POLR3C: variants seen among roughly 807,000 people sequenced by gnomAD.
POLR3C encodes the protein DNA-directed RNA polymerase III subunit RPC3.
Under a neutral mutation model 65.9 loss-of-function variants are expected in POLR3C, and 44 were observed. The ratio of observed to expected loss-of-function variants is 0.67; its 90% CI spans 0.52 to 0.86. POLR3C has a LOEUF of 0.86. POLR3C is among the 40% of genes least tolerant of loss of function. The pLI is 0.00. For missense variants in POLR3C, 576 were observed against 653.2 expected, an observed-to-expected ratio of 0.88 and a Z score of 1.29; for synonymous variants, 263 against 231.6, an observed-to-expected ratio of 1.14 and a Z score of -1.23.
intron 7 of POLR3C, 45 bp from the exon 8 acceptor site, chr1:145,836,449 A>T (rs1553728658): frequency 4.9e-6 from 5 of 1,022,828 alleles, no homozygotes; most frequent in Admixed American, 3.4e-5. Flanking sequence ...TAAGGTCAGG[A>T]GTTCTAAGTT....
chr1:145,837,464 C>T (rs1651941205), intron 9 of POLR3C, 72 bp from the exon 10 acceptor site: 3 of 719,582 alleles, frequency 4.2e-6, no homozygotes, highest in Non-Finnish European at 4.7e-6. Flanking sequence ...AAATTAGAAA[C>T]TTAGGAATAA....
intron 5 of POLR3C, among the ~76,000 whole-genome samples, chr1:145,832,019 G>T (rs1026850587): frequency 2.6e-5 from 4 of 151,960 alleles, no homozygotes; most frequent in African/African-American, 9.7e-5. Context: ...TCCAGCCTGG[G>T]TGACAAAGAC....
intron 4 of POLR3C, among the ~76,000 whole-genome samples, chr1:145,827,388 A>G (rs782550256): frequency 9.2e-5 from 14 of 152,212 alleles, no homozygotes; most frequent in Non-Finnish European, 1.9e-4. Context: ...AGACTGAGGC[A>G]GGCGAATTGC....
chr1:145,825,048 A>T (rs1406155874), intron 1 of POLR3C, among the ~76,000 whole-genome samples: 6 of 151,954 alleles, frequency 3.9e-5, no homozygotes, highest in African/African-American at 1.2e-4. Context: ...TTTTACAATA[A>T]TTGAATTTTT....
At chr1:145,833,969 CTT>C (rs1442304468) in intron 7 of POLR3C, among the ~76,000 whole-genome samples, 1 of 152,192 alleles carries the variant, frequency 6.6e-6, no homozygotes, top group Non-Finnish European at 1.5e-5. Flanking sequence ...TCATGCATCA[CTT>C]AACAGCAGGG....
chr1:145,829,567 T>C (rs1177624595), intron 5 of POLR3C, among the ~76,000 whole-genome samples: 3 of 152,206 alleles, frequency 2.0e-5, no homozygotes, highest in Non-Finnish European at 2.9e-5. Context: ...CTGATTAGAC[T>C]CCTTTAATAG....
chr1:145,840,857 G>C (rs1652235484), intron 13 of POLR3C, 65 bp from the exon 14 acceptor site: 1 of 1,297,156 alleles, frequency 7.7e-7, no homozygotes, highest in Non-Finnish European at 1.1e-6. Flanking sequence ...TAGTGCCTCA[G>C]ACACACGTGG....
chr1:145,836,039 G>C (rs764715680), intron 7 of POLR3C, among the ~76,000 whole-genome samples: 3 of 151,886 alleles, frequency 2.0e-5, no homozygotes, highest in Non-Finnish European at 4.4e-5. Flanking sequence ...CTGGTCATTT[G>C]GGTGTTTCTA....
intron 4 of POLR3C, among the ~76,000 whole-genome samples, chr1:145,828,116 A>G (rs1162839044): frequency 3.9e-5 from 6 of 152,192 alleles, no homozygotes; most frequent in Non-Finnish European, 5.9e-5. Flanking sequence ...TGAGGAAATG[A>G]AAGAATGTCA....
Position 145,826,856 on chromosome 1 carries a change from C to T in POLR3C, c.440C>T (p.Thr147Ile). 1 of 1,612,064 alleles carries T rather than the reference C, an allele frequency of 6.2e-7. No homozygotes were observed. Among genetic ancestry groups the T allele is most frequent in the Non-Finnish European group, 8.5e-7 (1 of 1,179,154 alleles). ...KTMDYAEVSN[T>I]FVRLADTHFV... ...ATGGACTATGCTGAAGTATCAAACA[C>T]ATTTGTGCGACTGGCAGACACACAC... The change falls in exon 4 of 15, where the codon ACA (threonine) becomes ATA (isoleucine). Residue 147 changes from threonine to isoleucine, a missense_variant. Transcript: ENST00000334163.
chr1:145,833,578 A>T lies in POLR3C; in HGVS notation c.872A>T (p.Asn291Ile). The change falls in exon 7 of 15, where the codon AAT becomes ATT. Residue 291 changes from asparagine to isoleucine, a missense_variant. Asn to Ile is a moderately radical substitution (Grantham distance 149). Coordinates refer to ENST00000334163, the MANE Select transcript of POLR3C (RefSeq NM_006468.8). ...CCCTTCACCCAGCCATTGTCTTCCAATGAGGTGAGTTTCATGTTCTTGCAC... is the reference window on the plus strand; with the variant it reads ...CCCTTCACCCAGCCATTGTCTTCCATTGAGGTGAGTTTCATGTTCTTGCAC... Reference protein sequence around the residue: ...SAPFTQPLSSNEIFRSLPVGY... With the variant: ...SAPFTQPLSSIEIFRSLPVGY... 1 of 1,593,768 alleles carries T rather than the reference A, an allele frequency of 6.3e-7. No individual in the cohort carries two copies. Among genetic ancestry groups the T allele is most frequent in the Non-Finnish European group, 8.6e-7 (1 of 1,161,386 alleles).
chr1:145,835,683 T>C (rs782179499), intron 7 of POLR3C, among the ~76,000 whole-genome samples: 1 of 151,898 alleles, frequency 6.6e-6, no homozygotes, highest in African/African-American at 2.4e-5. Context: ...CAAGGCATTC[T>C]CCTGCTCATC....
chr1:145,824,530 T>C (rs782517911), intron 1 of POLR3C, 161 bp downstream of exon 1: 55 of 1,290,008 alleles, frequency 4.3e-5, no homozygotes, highest in South Asian at 3.5e-4. Flanking sequence ...TCCAAAGATA[T>C]GTGGATGGAC....
intron 13 of POLR3C, chr1:145,840,366 C>T (rs587678541): frequency 1.3e-5 from 7 of 523,914 alleles, no homozygotes; most frequent in Non-Finnish European, 2.4e-5. Flanking sequence ...ATGGTGAAAC[C>T]CTGTCTTCAC....
chr1:145,840,009 T>G lies in POLR3C; in HGVS notation c.1323+18T>G. 6.5e-7 allele frequency: 1 copy of G among 1,548,532 alleles called. No individual in the cohort carries two copies. Among genetic ancestry groups the G allele is most frequent in the Non-Finnish European group, 8.9e-7 (1 of 1,120,178 alleles). On this transcript the variant is annotated intron_variant, in intron 12 of 14. Transcript: ENST00000334163. Reference sequence around the variant, plus strand: ...GCTACAAGGTAACTCAATCTGGACCTTCTCCCCATTTCCTCCATACGGTCA... The same window carrying G: ...GCTACAAGGTAACTCAATCTGGACCGTCTCCCCATTTCCTCCATACGGTCA...
Position 145,841,002 on chromosome 1 carries a change from A to G in POLR3C, c.1454A>G (p.Gln485Arg). The G allele has an allele frequency of 6.2e-7, 1 of 1,613,544 alleles. No homozygotes were observed. Among genetic ancestry groups the G allele is most frequent in the Non-Finnish European group, 8.5e-7 (1 of 1,179,442 alleles). Residue 485 changes from glutamine to arginine, a missense_variant, in exon 14 of 15, where the codon CAA becomes CGA. Gln to Arg is a conservative substitution (Grantham distance 43). Transcript: ENST00000334163. ...ACTGGTGCAGAGGAAGCACAGTTAC[A>G]AGAAATAGAGGAGATGATCACAGCT... The part of the protein sequence containing the change: ...QATGAEEAQL[Q>R]EIEEMITAPE...
chr1:145,842,448 T>G lies in POLR3C; in HGVS notation c.*28T>G. 6.8e-7 allele frequency: 1 copy of G among 1,465,848 alleles called. No individual in the cohort carries two copies. The highest frequency in any genetic ancestry group is 9.6e-7 in the Non-Finnish European group (1 of 1,046,158). 90.8% of individuals were successfully genotyped at this position (1,465,848 alleles called of 1,614,324 possible). On this transcript the variant is annotated 3_prime_UTR_variant, in exon 15 of 15. Coordinates refer to ENST00000334163, the MANE Select transcript of POLR3C (RefSeq NM_006468.8). Reference sequence around the variant, plus strand: ...CAGAAGAAGCATCTTCCTCAGAAGATCTGGGGGGATGGAAAGCAAAATAAA... The same window carrying G: ...CAGAAGAAGCATCTTCCTCAGAAGAGCTGGGGGGATGGAAAGCAAAATAAA...
intron 14 of POLR3C, 62 bp from the exon 15 acceptor site, chr1:145,842,277 C>A: frequency 9.6e-7 from 1 of 1,036,692 alleles, no homozygotes; most frequent in Non-Finnish European, 1.5e-6. Context: ...CCACCCTAAC[C>A]TCTAATCTTA....
At position 145,826,321 on chromosome 1, in the gene POLR3C, A is replaced by G. The variant is rs868965467; in HGVS notation, c.148-133A>G. 331 of 682,182 alleles carry G rather than the reference A, an allele frequency of 4.9e-4. 8 individuals carry two copies. Among genetic ancestry groups the G allele is most frequent in the South Asian group, 4.8e-3 (266 of 55,810 alleles). 42.3% of individuals were successfully genotyped at this position (682,182 alleles called of 1,614,324 possible). A position where few individuals can be genotyped will look rare whatever the true frequency, so the allele number is the denominator to read the frequency against. ...TGATTCTTATTAGCTCCTCCAGTGG[A>G]GAGAGGAAATAAGTGCAGAAATTAT... On this transcript the variant is annotated intron_variant, in intron 2 of 14. Coordinates refer to ENST00000334163, the MANE Select transcript of POLR3C (RefSeq NM_006468.8).
Sources: gnomAD v4.1 joint callset for allele counts (sites outside exome capture counted in the v4.1 genomes callset) on GRCh38, gnomAD v4.1.1 for gene constraint, MANE v1.5 for transcripts, NCBI Gene and HGNC (gene_info 2026-07-23, HGNC 2026-07-21) for gene names.